The following SHQ1 variants were observed in gnomAD, a reference collection of about 807,000 sequenced individuals.
SHQ1 encodes the protein SHQ1, H/ACA ribonucleoprotein assembly factor, also known as protein SHQ1 homolog.
Under a neutral mutation model 53.8 loss-of-function variants are expected in SHQ1, and 49 were observed. That is an observed-to-expected ratio of 0.91 (90% CI 0.72 to 1.16). SHQ1 has a LOEUF of 1.16. SHQ1 is among the 50% of genes most tolerant of loss of function. The pLI is 0.00. For synonymous variants in SHQ1, 243 were observed against 251.0 expected, an observed-to-expected ratio of 0.97 and a Z score of 0.30; for missense variants, 738 against 683.1, an observed-to-expected ratio of 1.08 and a Z score of -0.90.
At chr3:72,820,401 C>T (rs551871655) in intron 6 of SHQ1, among the ~76,000 whole-genome samples, 71 of 152,304 alleles carry the variant, frequency 4.7e-4, no homozygotes, top group African/African-American at 1.6e-3. Flanking sequence ...CTGTGGCCTA[C>T]TTCATTAATA....
At chr3:72,769,560 CT>C (rs1553689701) in intron 10 of SHQ1, among the ~76,000 whole-genome samples, 1 of 152,188 alleles carries the variant, frequency 6.6e-6, no homozygotes, top group Non-Finnish European at 1.5e-5. Context: ...CATCTTCCCC[CT>C]TTCTTTCTGT....
intron 10 of SHQ1, among the ~76,000 whole-genome samples, chr3:72,774,355 T>C (rs1705913249): frequency 6.6e-6 from 1 of 152,006 alleles, no homozygotes. Context: ...TGCACAGACA[T>C]GCAACACAGC....
intron 8 of SHQ1, among the ~76,000 whole-genome samples, chr3:72,813,371 G>A (rs1707185844): frequency 6.6e-6 from 1 of 150,480 alleles, no homozygotes; most frequent in Non-Finnish European, 1.5e-5. Flanking sequence ...AGAGGGTGAA[G>A]CAGAGAATAG....
At chr3:72,785,841 C>T (rs1706215032) in intron 10 of SHQ1, among the ~76,000 whole-genome samples, 1 of 152,144 alleles carries the variant, frequency 6.6e-6, no homozygotes. Context: ...TGTTTTGTGA[C>T]TTAATTCATT....
At position 72,824,282 on chromosome 3, in the gene SHQ1, A is replaced by C; in HGVS notation, c.727+142T>G. 3.0e-6 allele frequency: 3 copies of C among 989,886 alleles called. No homozygotes were observed. The South Asian group carries it at 5.5e-5, about 18-fold the overall frequency. 61.3% of individuals were successfully genotyped at this position (989,886 alleles called of 1,614,324 possible). ...TTTTCCAGTCAGGGGCAAAGAAGTC[A>C]TTTCCAAAATTAGCAATTCAAACTC... On this transcript the variant is annotated intron_variant, in intron 6 of 10. Coordinates refer to ENST00000325599, the MANE Select transcript of SHQ1 (RefSeq NM_018130.3).
chr3:72,750,646 C>G lies in SHQ1; in HGVS notation c.1372G>C (p.Glu458Gln), dbSNP rs957267119. 2.5e-6 allele frequency: 4 copies of G among 1,613,802 alleles called. No individual in the cohort carries two copies. The African/African-American group carries it at 5.3e-5, about 22-fold the overall frequency. Reference protein sequence around the residue: ...LCSSSEASDSEDSDSSVSSGN... With the variant: ...LCSSSEASDSQDSDSSVSSGN... ...GATGACACGCTGCTGTCTGAGTCCT[C>G]CGAATCACTTGCCTCAGAGCTGGAG... Residue 458 changes from glutamate to glutamine, a missense_variant, in exon 11 of 11, where the codon GAG (glutamate) becomes CAG (glutamine). Transcript: ENST00000325599.
At chr3:72,776,801 C>G (rs1015532149) in intron 10 of SHQ1, among the ~76,000 whole-genome samples, 1 of 152,090 alleles carries the variant, frequency 6.6e-6, no homozygotes, top group African/African-American at 2.4e-5. Context: ...ACTTGACAAG[C>G]TGATTCTAAG....
intron 1 of SHQ1, 81 bp from the exon 2 acceptor site, chr3:72,844,504 C>T: frequency 9.8e-7 from 1 of 1,022,808 alleles, no homozygotes; most frequent in Non-Finnish European, 1.6e-6. Context: ...AAACATTTAA[C>T]CATCAAAATA....
intron 9 of SHQ1, chr3:72,794,972 A>T (rs1706559721): frequency 6.6e-6 from 1 of 152,232 alleles, no homozygotes; most frequent in South Asian, 2.1e-4. Context: ...GAGTTGAGGG[A>T]CCAAGATCTA....
intron 10 of SHQ1, among the ~76,000 whole-genome samples, chr3:72,763,298 T>A (rs1336665754): frequency 2.0e-5 from 3 of 152,178 alleles, no homozygotes; most frequent in Non-Finnish European, 4.4e-5. Flanking sequence ...CTTGAACAAT[T>A]CTGACAACAT....
chr3:72,781,198 T>G (rs1706064391), intron 10 of SHQ1, among the ~76,000 whole-genome samples: 3 of 151,982 alleles, frequency 2.0e-5, no homozygotes, highest in Admixed American at 2.0e-4. Flanking sequence ...TAGCTGGGAT[T>G]ACAGGCACGT....
the SHQ1 span, among the ~76,000 whole-genome samples, chr3:72,729,530 G>A: frequency 1.3e-5 from 2 of 152,112 alleles, no homozygotes; most frequent in African/African-American, 4.8e-5. Context: ...GCATTGGCTC[G>A]AAATAAAGAA....
the SHQ1 span, among the ~76,000 whole-genome samples, chr3:72,741,041 A>T: frequency 6.6e-6 from 1 of 152,190 alleles, no homozygotes; most frequent in Non-Finnish European, 1.5e-5. Context: ...GCCTATTTAG[A>T]CAACCTCAGA....
At position 72,842,320 on chromosome 3, in the gene SHQ1, T is replaced by G. The variant is rs1708199842; in HGVS notation, c.291A>C (p.Pro97=). 2 of 1,614,020 alleles carry G rather than the reference T, an allele frequency of 1.2e-6. No individual in the cohort carries two copies. Among genetic ancestry groups the G allele is most frequent in the Non-Finnish European group, 1.7e-6 (2 of 1,179,886 alleles). Residue 97 remains proline (P), a synonymous_variant, in exon 3 of 11, where the codon CCA becomes CCC. Transcript: ENST00000325599. ...GLNMLTALLA[P]RKSRTAKPLV... The stretch of plus-strand genomic sequence containing the variant: ...GTGGTTTTGCTGTCCTGGATTTTCT[T>G]GGTGCCAGAAGAGCAGTTAACATGT...
chr3:72,815,278 CA>C, intron 8 of SHQ1, 71 bp downstream of exon 8: 2 of 1,278,514 alleles, frequency 1.6e-6, no homozygotes, highest in South Asian at 2.4e-5. Context: ...TGAATTACCC[CA>C]AATGATGTAA....
intron 10 of SHQ1, among the ~76,000 whole-genome samples, chr3:72,769,891 C>T (rs1022416686): frequency 2.6e-5 from 4 of 152,230 alleles, no homozygotes; most frequent in Non-Finnish European, 5.9e-5. Context: ...TCTGAAGTCA[C>T]ACAGCTCTGG....
intron 5 of SHQ1, among the ~76,000 whole-genome samples, chr3:72,825,492 T>C (rs1230392086): frequency 1.3e-5 from 2 of 152,114 alleles, no homozygotes; most frequent in East Asian, 1.9e-4. Flanking sequence ...CTGAAGAAGA[T>C]AAAAGCAACA....
intron 6 of SHQ1, among the ~76,000 whole-genome samples, chr3:72,818,509 A>C (rs571932721): frequency 1.3e-5 from 2 of 152,316 alleles, no homozygotes; most frequent in African/African-American, 4.8e-5. Context: ...CATGAATAGA[A>C]GTTCCTCTTC....
intron 10 of SHQ1, among the ~76,000 whole-genome samples, chr3:72,772,311 A>C (rs144050326): frequency 3.9e-4 from 60 of 152,278 alleles, no homozygotes; most frequent in African/African-American, 1.4e-3. Context: ...CTGATCAGCA[A>C]GAATGAGGGA....
Sources: gnomAD v4.1 joint callset for allele counts (sites outside exome capture counted in the v4.1 genomes callset) on GRCh38, gnomAD v4.1.1 for gene constraint, MANE v1.5 for transcripts, NCBI Gene and HGNC (gene_info 2026-07-23, HGNC 2026-07-21) for gene names.